PIP4K2A: variants seen among roughly 807,000 people sequenced by gnomAD.
PIP4K2A encodes the protein phosphatidylinositol-5-phosphate 4-kinase type 2 alpha, also known as phosphatidylinositol 5-phosphate 4-kinase type-2 alpha.
Under a neutral mutation model 42.9 loss-of-function variants are expected in PIP4K2A, and 14 were observed. That is an observed-to-expected ratio of 0.33 (90% CI 0.22 to 0.51). The LOEUF is 0.51. PIP4K2A is among the 20% of genes least tolerant of loss of function. PIP4K2A has a pLI of 0.97. For synonymous variants in PIP4K2A, 192 were observed against 192.2 expected, an observed-to-expected ratio of 1.00 and a Z score of 0.01; for missense variants, 434 against 519.8, an observed-to-expected ratio of 0.83 and a Z score of 1.61.
At position 22,671,745 on chromosome 10, in the gene PIP4K2A, TACACAC is replaced by T. The variant is rs143696456; in HGVS notation, c.144+42432_144+42437del. On this transcript the variant is annotated intron_variant, in intron 1 of 9. Transcript: ENST00000376573. ...TGAATTTTCTGATTTACTTGGAAAATACACACACACACACACACACACACACACACG... is the reference window on the plus strand; with the variant it reads ...TGAATTTTCTGATTTACTTGGAAAATACACACACACACACACACACACACG... Among the ~76,000 whole-genome samples, 9 of 144,666 alleles carry T rather than the reference TACACAC, an allele frequency of 6.2e-5. No homozygotes were observed. The South Asian group carries it at 1.6e-3, about 25-fold the overall frequency. The allele number at this position is 144,666 out of a possible 152,430, so 94.9% of individuals were successfully genotyped here. A position where few individuals can be genotyped will look rare whatever the true frequency, so the allele number is the denominator to read the frequency against.
At chr10:22,669,272 C>T (rs756341594) in intron 1 of PIP4K2A, among the ~76,000 whole-genome samples, 1 of 152,030 alleles carries the variant, frequency 6.6e-6, no homozygotes, top group Non-Finnish European at 1.5e-5. Context: ...AGCCGCATAA[C>T]GACACTGCAG....
At chr10:22,540,329 G>C (rs1044770631) in intron 8 of PIP4K2A, among the ~76,000 whole-genome samples, 1 of 151,628 alleles carries the variant, frequency 6.6e-6, no homozygotes, top group African/African-American at 2.4e-5. Flanking sequence ...TCACACCAGG[G>C]TATCAACAGT....
intron 1 of PIP4K2A, among the ~76,000 whole-genome samples, chr10:22,647,567 C>T (rs979149276): frequency 2.0e-5 from 3 of 152,130 alleles, no homozygotes; most frequent in African/African-American, 7.2e-5. Context: ...ATAACATAGG[C>T]CACAACAGTA....
intron 1 of PIP4K2A, among the ~76,000 whole-genome samples, chr10:22,692,351 G>A (rs1168280211): frequency 1.3e-5 from 2 of 152,128 alleles, no homozygotes; most frequent in African/African-American, 4.8e-5. Context: ...TACAGATGAA[G>A]CTTTGATCCT....
chr10:22,565,548 T>C (rs972758385), intron 6 of PIP4K2A, among the ~76,000 whole-genome samples: 4 of 152,240 alleles, frequency 2.6e-5, no homozygotes, highest in Non-Finnish European at 1.5e-5. Flanking sequence ...GAGGAAGATG[T>C]ATGTTGCCTC....
chr10:22,576,219 C>T (rs751007398), intron 4 of PIP4K2A, among the ~76,000 whole-genome samples: 3 of 152,082 alleles, frequency 2.0e-5, no homozygotes, highest in African/African-American at 7.2e-5. Flanking sequence ...GGGGGAAGCA[C>T]TGGGAAAAGG....
chr10:22,616,476 G>C (rs1049725183), intron 1 of PIP4K2A, among the ~76,000 whole-genome samples: 2 of 152,108 alleles, frequency 1.3e-5, no homozygotes, highest in Non-Finnish European at 2.9e-5. Context: ...TTAAACAGTA[G>C]AGCTGTACCT....
chr10:22,649,276 GTC>G (rs141009975), intron 1 of PIP4K2A, among the ~76,000 whole-genome samples: 4 of 152,280 alleles, frequency 2.6e-5, no homozygotes, highest in Non-Finnish European at 4.4e-5. Flanking sequence ...GGTCTATAAT[GTC>G]TGTTTCTTTC....
chr10:22,651,853 C>G (rs1839003087), intron 1 of PIP4K2A, among the ~76,000 whole-genome samples: 1 of 152,152 alleles, frequency 6.6e-6, no homozygotes, highest in Admixed American at 6.5e-5. Context: ...GGCTGGGGAA[C>G]TGAAAATTAA....
intron 1 of PIP4K2A, among the ~76,000 whole-genome samples, chr10:22,699,304 A>G (rs1163822712): frequency 6.6e-6 from 1 of 152,138 alleles, no homozygotes; most frequent in Non-Finnish European, 1.5e-5. Context: ...TGGCCCTTTG[A>G]TTCTACAGGA....
chr10:22,642,960 TGAG>T (rs1564453141), intron 1 of PIP4K2A, among the ~76,000 whole-genome samples: 2 of 152,190 alleles, frequency 1.3e-5, no homozygotes, highest in East Asian at 1.9e-4. Flanking sequence ...GCTGTGGAGA[TGAG>T]GAGAAGCTCA....
At chr10:22,636,868 G>T (rs1272323174) in intron 1 of PIP4K2A, among the ~76,000 whole-genome samples, 1 of 152,204 alleles carries the variant, frequency 6.6e-6, no homozygotes, top group Non-Finnish European at 1.5e-5. Context: ...GCACAAGCCT[G>T]ACAAGCACTG....
chr10:22,714,349 A>C lies in PIP4K2A; in HGVS notation c.-23T>G. On this transcript the variant is annotated 5_prime_UTR_variant, in exon 1 of 10. Transcript: ENST00000376573. ...CATGGCCGCCTCCTATGTCCCCTCC[A>C]CCGCCGTGCTCCCGAGGCCGGGGAC... The C allele has an allele frequency of 6.5e-7, 1 of 1,535,188 alleles. No individual in the cohort carries two copies. Among genetic ancestry groups the C allele is most frequent in the Non-Finnish European group, 8.8e-7 (1 of 1,137,858 alleles).
intron 6 of PIP4K2A, among the ~76,000 whole-genome samples, chr10:22,552,977 C>T (rs1836449808): frequency 6.6e-6 from 1 of 152,126 alleles, no homozygotes; most frequent in Non-Finnish European, 1.5e-5. Flanking sequence ...GTGTTTGTAA[C>T]ACAAGTCACA....
At chr10:22,651,507 C>T (rs1471003488) in intron 1 of PIP4K2A, among the ~76,000 whole-genome samples, 1 of 152,206 alleles carries the variant, frequency 6.6e-6, no homozygotes, top group African/African-American at 2.4e-5. Context: ...AATTCTCTCA[C>T]TCCCTCACTC....
rs191207545 is a variant in PIP4K2A, at chr10:22,624,834, T to G, written c.145-15117A>C. Among the ~76,000 whole-genome samples, 400 of 152,360 alleles carry G rather than the reference T, an allele frequency of 2.6e-3. 4 individuals are homozygous for G. Among genetic ancestry groups the G allele is most frequent in the African/African-American group, 9.3e-3 (387 of 41,592 alleles). On this transcript the variant is annotated intron_variant, in intron 1 of 9. Transcript: ENST00000376573. ...TTTGAAAATATTTCCACTGTTTTGTTATCTTTTTGCCAAAAACAATGAAAC... is the reference window on the plus strand; with the variant it reads ...TTTGAAAATATTTCCACTGTTTTGTGATCTTTTTGCCAAAAACAATGAAAC...
chr10:22,552,856 T>A (rs1177154637), intron 6 of PIP4K2A, among the ~76,000 whole-genome samples: 3 of 151,992 alleles, frequency 2.0e-5, no homozygotes, highest in Non-Finnish European at 2.9e-5. Context: ...ATTTTATAAG[T>A]GTAAGAAAAG....
chr10:22,591,332 A>G (rs564782839), intron 4 of PIP4K2A, among the ~76,000 whole-genome samples: 3 of 152,280 alleles, frequency 2.0e-5, no homozygotes, highest in African/African-American at 7.2e-5. Context: ...AAAGTTGCCA[A>G]ATCTTAAGCT....
chr10:22,544,361 C>T (rs1375605630), intron 7 of PIP4K2A, among the ~76,000 whole-genome samples: 3 of 152,134 alleles, frequency 2.0e-5, no homozygotes, highest in African/African-American at 7.2e-5. Context: ...TTCTCCCTGC[C>T]CTGTTGTTCC....
Sources: allele counts gnomAD v4.1 joint callset (sites outside exome capture counted in the v4.1 genomes callset), GRCh38; gene constraint gnomAD v4.1.1; transcripts MANE v1.5; gene names NCBI Gene and HGNC (gene_info 2026-07-23, HGNC 2026-07-21).